Variants in FBXL5 observed in about 807,000 individuals in gnomAD.
FBXL5 encodes the protein F-box/LRR-repeat protein 5.
Under a neutral mutation model 78.3 loss-of-function variants are expected in FBXL5, and 26 were observed. The observed-to-expected ratio is 0.33, with a 90% CI of 0.24 to 0.46. FBXL5 has a LOEUF of 0.46. Among genes scored for constraint, FBXL5 ranks in the 20% least tolerant of loss-of-function variants. FBXL5 has a pLI of 1.00. For missense variants in FBXL5, 710 were observed against 829.2 expected (o/e 0.86, Z 1.77); for synonymous variants, 295 against 282.5 (o/e 1.04, Z -0.45).
At chr4:15,622,958 A>G (rs1460677771) in intron 9 of FBXL5, among the ~76,000 whole-genome samples, 1 of 152,204 alleles carries the variant, frequency 6.6e-6, no homozygotes, top group East Asian at 1.9e-4. Flanking sequence ...CTTATTTCCA[A>G]TCCCAACAGC....
intron 1 of FBXL5, among the ~76,000 whole-genome samples, chr4:15,681,048 A>C (rs1718238553): frequency 6.6e-6 from 1 of 151,608 alleles, no homozygotes; most frequent in Non-Finnish European, 1.5e-5. Context: ...CTTGTTAATG[A>C]TCAAGAAATC....
At chr4:15,620,307 A>T (rs1712349715) in intron 9 of FBXL5, among the ~76,000 whole-genome samples, 1 of 152,204 alleles carries the variant, frequency 6.6e-6, no homozygotes, top group African/African-American at 2.4e-5. Context: ...ATGGAAAGAT[A>T]TCCCACATTC....
intron 10 of FBXL5, among the ~76,000 whole-genome samples, chr4:15,610,075 C>A (rs1722146217): frequency 6.6e-6 from 1 of 151,932 alleles, no homozygotes; most frequent in Non-Finnish European, 1.5e-5. Context: ...TGCTCTAATA[C>A]CACGTATTAA....
At chr4:15,652,383 T>C (rs1716186882) in intron 1 of FBXL5, among the ~76,000 whole-genome samples, 1 of 152,210 alleles carries the variant, frequency 6.6e-6, no homozygotes, top group African/African-American at 2.4e-5. Context: ...TTGGCCTAGC[T>C]AATCTAGGCC....
intron 1 of FBXL5, among the ~76,000 whole-genome samples, chr4:15,669,825 T>C (rs1320708964): frequency 1.3e-5 from 2 of 152,224 alleles, no homozygotes; most frequent in East Asian, 1.9e-4. Context: ...ATTTTACTGA[T>C]ATTTTCAGCA....
chr4:15,640,890 A>T lies in FBXL5; in HGVS notation c.301-7T>A, dbSNP rs748014486. The stretch of plus-strand genomic sequence containing the variant: ...TTAACTGTTCATATTCATTCTGGAA[A>T]CCAAAAAAAAAATACATTTTTATAA... On this transcript the variant is annotated splice_polypyrimidine_tract_variant and splice_region_variant and intron_variant, in intron 2 of 10. Coordinates refer to ENST00000341285, the MANE Select transcript of FBXL5 (RefSeq NM_012161.4). The T allele has an allele frequency of 1.5e-5, 21 of 1,380,546 alleles. No homozygotes were observed. In the African/African-American group the frequency reaches 2.7e-4, roughly 18 times the overall value. 85.5% of individuals were successfully genotyped at this position (1,380,546 alleles called of 1,614,324 possible).
intron 10 of FBXL5, among the ~76,000 whole-genome samples, chr4:15,608,561 GTGTC>G (rs1560206914): frequency 1.3e-5 from 2 of 150,982 alleles, no homozygotes; most frequent in African/African-American, 4.9e-5. Context: ...CATATAAAAT[GTGTC>G]TACTCAGTGA....
chr4:15,650,668 T>C (rs1715903813), intron 1 of FBXL5, among the ~76,000 whole-genome samples: 1 of 141,640 alleles, frequency 7.1e-6, no homozygotes, highest in South Asian at 2.3e-4. Flanking sequence ...TTTCTTTTTT[T>C]TTTTTTTTTT....
intron 1 of FBXL5, among the ~76,000 whole-genome samples, chr4:15,651,030 T>C (rs983253165): frequency 1.3e-5 from 2 of 152,180 alleles, no homozygotes; most frequent in Non-Finnish European, 1.5e-5. Context: ...TTAAAGACGA[T>C]ACAGTACATT....
Position 15,672,157 on chromosome 4 carries a change from G to C in FBXL5, c.-284+9226C>G, listed in dbSNP as rs570215949. On this transcript the variant is annotated intron_variant, in intron 1 of 4. Transcript: ENST00000507899. ...CTTTCAGGCCTTGCTTTAAACACTT[G>C]TTAGGCAAGACAGGGACAGTGTTCA... Among the ~76,000 whole-genome samples the C allele has an allele frequency of 3.0e-4, 46 of 152,278 alleles. No individual in the cohort carries two copies. The Middle Eastern group carries it at 0.014, about 45-fold the overall frequency.
At chr4:15,664,632 ACT>A (rs1427427021), upstream of FBXL5, among the ~76,000 whole-genome samples, 6 of 129,372 alleles carry the variant, frequency 4.6e-5, no homozygotes, top group Non-Finnish European at 7.6e-5. Context: ...ATCTCAGCTC[ACT>A]GCAACCTCTG....
chr4:15,623,778 A>G (rs1425611352), intron 9 of FBXL5, among the ~76,000 whole-genome samples: 1 of 152,186 alleles, frequency 6.6e-6, no homozygotes, highest in East Asian at 1.9e-4. Context: ...TACCTCGGGG[A>G]AAACACTTTT....
upstream of FBXL5, among the ~76,000 whole-genome samples, chr4:15,656,787 G>A (rs1203082800): frequency 5.9e-5 from 9 of 151,362 alleles, no homozygotes; most frequent in African/African-American, 2.2e-4. Flanking sequence ...TATATTTGAA[G>A]CACTTATAAC....
chr4:15,624,847 GC>G (rs1343396748), intron 9 of FBXL5, among the ~76,000 whole-genome samples: 1 of 152,106 alleles, frequency 6.6e-6, no homozygotes, highest in Non-Finnish European at 1.5e-5. Context: ...TCCAGGGACA[GC>G]CTACGTTTTC....
At chr4:15,677,700 G>A (rs1292079042) in intron 1 of FBXL5, among the ~76,000 whole-genome samples, 1 of 152,162 alleles carries the variant, frequency 6.6e-6, no homozygotes, top group East Asian at 1.9e-4. Flanking sequence ...CTTCCCCTAT[G>A]TGTCTCTTCC....
Position 15,644,475 on chromosome 4 carries a change from T to C in FBXL5, c.300+18A>G. ...TGGCACAAGTTTTGACAGTTGAATA[T>C]CCATTTTTGCAACTTACCTTAACAT... is the stretch of plus-strand genomic sequence containing the variant. On this transcript the variant is annotated intron_variant, in intron 2 of 10. Transcript: ENST00000341285. The C allele has an allele frequency of 6.3e-7, 1 of 1,582,754 alleles. No individual in the cohort carries two copies. The highest frequency in any genetic ancestry group is 8.6e-7 in the Non-Finnish European group (1 of 1,161,612).
rs761499087 is a variant in FBXL5 at position 15,640,772 on chromosome 4, G to C, written c.396+16C>G. On this transcript the variant is annotated intron_variant, in intron 3 of 10. Transcript: ENST00000341285. ...AATGTTATAAATCTAAATCACGAAA[G>C]AAAAATTATGCTTACCTCCTCTTCC... The C allele has an allele frequency of 7.2e-7, 1 of 1,395,542 alleles. No homozygotes were observed. Among genetic ancestry groups the C allele is most frequent in the Non-Finnish European group, 9.7e-7 (1 of 1,028,198 alleles). The allele number at this position is 1,395,542 out of a possible 1,614,324, so 86.4% of individuals were successfully genotyped here.
intron 9 of FBXL5, among the ~76,000 whole-genome samples, chr4:15,612,820 C>T (rs1371892125): frequency 5.9e-5 from 9 of 151,974 alleles, no homozygotes; most frequent in African/African-American, 2.2e-4. Context: ...TATAGATACA[C>T]CTAGCATATG....
intron 5 of FBXL5, among the ~76,000 whole-genome samples, chr4:15,635,168 C>A (rs1481624994): frequency 1.3e-5 from 2 of 151,706 alleles, no homozygotes; most frequent in African/African-American, 4.8e-5. Context: ...CCCGTCTCTA[C>A]TAAAAGTACA....
Sources: gnomAD v4.1 joint callset for allele counts (sites outside exome capture counted in the v4.1 genomes callset) on GRCh38, gnomAD v4.1.1 for gene constraint, MANE v1.5 for transcripts, NCBI Gene and HGNC (gene_info 2026-07-23, HGNC 2026-07-21) for gene names.